ADGRD2: variants seen among roughly 807,000 people sequenced by gnomAD.
ADGRD2 encodes adhesion G protein-coupled receptor D2.
In ADGRD2, 71 loss-of-function variants were observed where a neutral mutation model predicts 44.4. The observed-to-expected ratio is 1.60, with a 90% confidence interval of 1.32 to 1.95. The LOEUF (loss-of-function observed/expected upper bound fraction) is 1.95. ADGRD2 is among the 30% of genes most tolerant of loss of function. The pLI is 0.00. For missense variants in ADGRD2, 1,039 were observed against 512.4 expected (o/e 2.03, Z -9.92); for synonymous variants, 481 against 224.8 (o/e 2.14, Z -10.19).
chr9:124,478,058 G>GC (rs1326694850), intron 21 of ADGRD2, among the ~76,000 whole-genome samples: 9 of 152,100 alleles, frequency 5.9e-5, no homozygotes, highest in African/African-American at 1.7e-4. Context: ...GCGCGGGGCA[G>GC]CGGAGGCTGC....
chr9:124,451,856 G>C (rs1055306934), upstream of ADGRD2, among the ~76,000 whole-genome samples: 9 of 152,284 alleles, frequency 5.9e-5, no homozygotes, highest in East Asian at 1.7e-3. Context: ...CTCACTAAGG[G>C]TGACCCCTCT....
chr9:124,466,097 G>A (rs923533084), intron 10 of ADGRD2, 161 bp from the exon 14 acceptor site: 1 of 449,920 alleles, frequency 2.2e-6, no homozygotes, highest in Non-Finnish European at 4.1e-6. Flanking sequence ...AGAATGTCAA[G>A]CACATTTTAC....
Position 124,470,596 on chromosome 9 carries a change from G to A in ADGRD2, c.2742G>A (p.Val914=), listed in dbSNP as rs752976977. 3 of 707,670 alleles carry A rather than the reference G, an allele frequency of 4.2e-6. No individual in the cohort carries two copies. In the South Asian group the frequency reaches 4.4e-5, roughly 10 times the overall value. The allele number at this position is 707,670 out of a possible 1,614,324, so 43.8% of individuals were successfully genotyped here. Residue 914 remains valine (V), a synonymous_variant, in exon 17 of 22, where the codon GTG becomes GTA. Coordinates refer to ENST00000334810, the Ensembl canonical transcript of ADGRD2. ...GCCCCGCCTGGGCCTACGCTGCCGTGGGCCTCAACTCCATCCAGGTACCTC... is the reference window on the plus strand; with the variant it reads ...GCCCCGCCTGGGCCTACGCTGCCGTAGGCCTCAACTCCATCCAGGTACCTC...
At chr9:124,475,280 G>A (rs1373421623) in intron 17 of ADGRD2, among the ~76,000 whole-genome samples, 166 bp from the exon 21 acceptor site, 1 of 152,220 alleles carries the variant, frequency 6.6e-6, no homozygotes. Flanking sequence ...CTACTCCTCC[G>A]CAGGCGGGCA....
chr9:124,452,971 G>A (rs1831519706), intron 2 of ADGRD2, 64 bp from the exon 6 acceptor site: 1 of 607,582 alleles, frequency 1.6e-6, no homozygotes, highest in Non-Finnish European at 2.9e-6. Context: ...CTGAGCCAAA[G>A]GGCAGGGGCA....
At chr9:124,470,361 TC>T (rs1449877424) in intron 16 of ADGRD2, 132 bp from the exon 20 acceptor site, 1 of 593,348 alleles carries the variant, frequency 1.7e-6, no homozygotes, top group Non-Finnish European at 3.0e-6. Flanking sequence ...TCCCTCTAAG[TC>T]CTGCTGAGCC....
chr9:124,453,452 G>A, exon 3 of ADGRD2: 1 of 684,816 alleles, frequency 1.5e-6, no homozygotes, highest in East Asian at 3.0e-5. Flanking sequence ...CTGGTGCTGG[G>A]CCAGGATCAG....
At chr9:124,472,462 T>A (rs1483563708) in intron 17 of ADGRD2, among the ~76,000 whole-genome samples, 1 of 126,890 alleles carries the variant, frequency 7.9e-6, no homozygotes, top group Non-Finnish European at 1.6e-5. Context: ...GTTTGTTTTT[T>A]GTTTGTTTTT....
At chr9:124,461,928 G>A (rs1341467828) in intron 10 of ADGRD2, among the ~76,000 whole-genome samples, 2 of 151,994 alleles carry the variant, frequency 1.3e-5, no homozygotes, top group Non-Finnish European at 2.9e-5. Flanking sequence ...TGTATTTTTA[G>A]TAGAGACGGG....
intron 11 of ADGRD2, chr9:124,466,987 C>CTGTT (rs1831836022): frequency 6.6e-6 from 1 of 152,654 alleles, no homozygotes; most frequent in African/African-American, 2.4e-5. Flanking sequence ...CAAGGAACAC[C>CTGTT]TTGTAGTGTT....
At chr9:124,467,737 A>C (rs1260163987) in exon 12 of ADGRD2, 15 of 718,230 alleles carry the variant, frequency 2.1e-5, no homozygotes, top group South Asian at 1.8e-4. Context: ...CCTGAGGAGG[A>C]GTCGCTGCTG....
At chr9:124,476,012 G>T (rs537600857) in intron 19 of ADGRD2, among the ~76,000 whole-genome samples, 1 of 152,204 alleles carries the variant, frequency 6.6e-6, no homozygotes, top group Admixed American at 6.5e-5. Context: ...TCTGGGGCCT[G>T]GCCCACGCAT....
At position 124,452,723 on chromosome 9, in the gene ADGRD2, G is replaced by A. The variant is rs1358674246; in HGVS notation, c.281+1G>A. The A allele has an allele frequency of 7.0e-6, 5 of 710,262 alleles. No homozygotes were observed. The highest frequency in any genetic ancestry group is 1.3e-5 in the Non-Finnish European group (5 of 383,252). The allele number at this position is 710,262 out of a possible 1,614,324, so 44.0% of individuals were successfully genotyped here. A position where few individuals can be genotyped will look rare whatever the true frequency, so the allele number is the denominator to read the frequency against. On this transcript the variant is annotated splice_donor_variant, in intron 2 of 21. Transcript: ENST00000334810. LOFTEE classifies it high-confidence loss of function. Reference sequence around the variant, plus strand: ...CCTCTGCGGAGACCCCCACAGAGGCGTGAGTGTGGGCCCCTGGGAAATGGG... The same window carrying A: ...CCTCTGCGGAGACCCCCACAGAGGCATGAGTGTGGGCCCCTGGGAAATGGG...
At position 124,453,682 on chromosome 9, in the gene ADGRD2, A is replaced by ACCCCCCCCCC; in HGVS notation, c.923+9_923+10insCCCCCCCCCC. 1.4e-6 allele frequency: 1 copy of ACCCCCCCCCC among 690,458 alleles called. No individual in the cohort carries two copies. The allele number at this position is 690,458 out of a possible 1,614,324, so 42.8% of individuals were successfully genotyped here. A position where few individuals can be genotyped will look rare whatever the true frequency, so the allele number is the denominator to read the frequency against. On this transcript the variant is annotated splice_region_variant and intron_variant, in intron 3 of 21. Coordinates refer to ENST00000334810, the Ensembl canonical transcript of ADGRD2. ...GGTGCGCCTTCTCTGTCCCGGTACG[A>ACCCCCCCCCC]CCCGCCCCGCCCCGGCCCCACCCCA...
chr9:124,459,429 G>A (rs1831684083), intron 10 of ADGRD2, among the ~76,000 whole-genome samples: 1 of 152,080 alleles, frequency 6.6e-6, no homozygotes, highest in African/African-American at 2.4e-5. Context: ...AGGAGGCGGA[G>A]GTTGTAGTGA....
chr9:124,454,481 CAG>C lies in ADGRD2; in HGVS notation c.1023_1024del, dbSNP rs754311465. The C allele has an allele frequency of 1.4e-6, 1 of 713,156 alleles. No individual in the cohort carries two copies. Among genetic ancestry groups the C allele is most frequent in the Non-Finnish European group, 2.6e-6 (1 of 380,946 alleles). 44.2% of individuals were successfully genotyped at this position (713,156 alleles called of 1,614,324 possible). On this transcript the variant is annotated splice_acceptor_variant, in intron 4 of 21. Transcript: ENST00000334810. LOFTEE classifies it high-confidence loss of function. The surrounding 1 kb of genome is among the most constrained non-coding windows in gnomAD (Gnocchi z 4.5). ...GCCTAGCCTGGCATCCACTCCTTTG[CAG>C]AGCCCTATCGTCGGCTGCAGGATGC...
chr9:124,460,327 T>C (rs949599308), intron 10 of ADGRD2, among the ~76,000 whole-genome samples: 16 of 150,972 alleles, frequency 1.1e-4, no homozygotes, highest in African/African-American at 3.4e-4. Flanking sequence ...CTCAGCCTCC[T>C]GAGTAGCTGG....
chr9:124,468,491 C>T, intron 13 of ADGRD2, 28 bp from the exon 17 acceptor site: 1 of 718,028 alleles, frequency 1.4e-6, no homozygotes, highest in Non-Finnish European at 2.6e-6. Context: ...GACCTCGGAC[C>T]TGGGTGGGGA....
chr9:124,471,165 G>A (rs766199573), intron 17 of ADGRD2, among the ~76,000 whole-genome samples: 1 of 152,164 alleles, frequency 6.6e-6, no homozygotes, highest in Non-Finnish European at 1.5e-5. Context: ...GCAGGTCTGT[G>A]GGGGGCCAGA....
Sources: gnomAD v4.1 joint callset for allele counts (sites outside exome capture counted in the v4.1 genomes callset) on GRCh38, gnomAD v4.1.1 for gene constraint, Gnocchi (gnomAD v3.1) non-coding constraint, MANE v1.5 for transcripts, NCBI Gene and HGNC (gene_info 2026-07-23, HGNC 2026-07-21) for gene names.